Variants in C16orf46 observed in about 807,000 individuals in gnomAD.
C16orf46 encodes uncharacterized protein C16orf46.
In C16orf46, 7 loss-of-function variants were observed where a neutral mutation model predicts 5.5. That is an observed-to-expected ratio of 1.28 (90% CI 0.73 to 2.40). The LOEUF is 2.40. C16orf46 is among the 30% of genes most tolerant of loss of function. C16orf46 has a pLI of 0.00. For missense variants in C16orf46, 614 were observed against 476.0 expected (o/e 1.29, Z -2.70); for synonymous variants, 200 against 184.1 (o/e 1.09, Z -0.70).
At chr16:81,062,259 T>G in intron 3 of C16orf46, 121 bp from the exon 4 acceptor site, 1 of 802,482 alleles carries the variant, frequency 1.2e-6, no homozygotes, top group East Asian at 2.9e-5. Context: ...TTTTATTTAT[T>G]TTTTTACTAC....
intron 1 of C16orf46, 186 bp downstream of exon 1, chr16:81,076,950 A>C (rs1295777453): frequency 6.6e-6 from 1 of 151,028 alleles, no homozygotes; most frequent in Non-Finnish European, 1.5e-5. Flanking sequence ...TCCGCTCCCA[A>C]CGGATCCTCC....
intron 2 of C16orf46, among the ~76,000 whole-genome samples, chr16:81,065,191 G>A (rs765487539): frequency 6.6e-6 from 1 of 152,242 alleles, no homozygotes; most frequent in Admixed American, 6.5e-5. Flanking sequence ...GGGCTAAAGC[G>A]GCTGCATGCG....
intron 1 of C16orf46, among the ~76,000 whole-genome samples, chr16:81,075,952 T>C (rs1035895573): frequency 6.6e-6 from 1 of 152,212 alleles, no homozygotes; most frequent in Admixed American, 6.6e-5. Flanking sequence ...CAACTTCTCA[T>C]TGGCTCTCCA....
chr16:81,065,577 A>G (rs1225079458), intron 2 of C16orf46, among the ~76,000 whole-genome samples: 1 of 151,802 alleles, frequency 6.6e-6, no homozygotes, highest in East Asian at 1.9e-4. Context: ...ATACCTGAGC[A>G]GTGACCACCA....
At chr16:81,062,210 T>A in intron 3 of C16orf46, 72 bp from the exon 4 acceptor site, 2 of 1,380,550 alleles carry the variant, frequency 1.4e-6, no homozygotes, top group African/African-American at 1.4e-5. Flanking sequence ...TTTGGCCACA[T>A]TCCCATTTTG....
In C16orf46 at chr16:81,061,412, G is replaced by C. The variant is rs771196552; in HGVS notation, c.937C>G (p.Pro313Ala). ...AGGTAGCGAACGTTGCTGGGGTCTG[G>C]AGGGCACGCCAGGTTTTTCTCAGAC... ...LLSEKNLACP[P>A]DPSNVRYLAA... is the part of the protein sequence containing the mutation. The change falls in exon 4 of 4, where the codon CCA becomes GCA. Residue 313 changes from proline (P) to alanine (A), a missense_variant. Pro to Ala is a conservative substitution (Grantham distance 27). Transcript: ENST00000299578. 1.2e-6 allele frequency: 2 copies of C among 1,614,200 alleles called. No individual in the cohort carries two copies. The highest frequency in any genetic ancestry group is 2.2e-5 in the South Asian group (2 of 91,088).
intron 1 of C16orf46, among the ~76,000 whole-genome samples, chr16:81,072,626 C>T (rs1012912723): frequency 2.8e-4 from 42 of 152,090 alleles, no homozygotes; most frequent in African/African-American, 9.4e-4. Flanking sequence ...TCAGGTGATC[C>T]GCCAGTCTCA....
intron 1 of C16orf46, among the ~76,000 whole-genome samples, chr16:81,075,066 T>C (rs746247239): frequency 2.4e-4 from 36 of 152,172 alleles, no homozygotes; most frequent in Non-Finnish European, 3.4e-4. Context: ...GCCCTCTGGG[T>C]ATCCCTTTCA....
chr16:81,064,354 T>C (rs1950715871), intron 2 of C16orf46, among the ~76,000 whole-genome samples: 2 of 114,950 alleles, frequency 1.7e-5, no homozygotes, highest in South Asian at 3.4e-4. Flanking sequence ...GAGAGTGAGA[T>C]TACATCTCAA....
At position 81,063,755 on chromosome 16, in the gene C16orf46, C is replaced by A. The variant is rs767217167; in HGVS notation, c.201G>T (p.Trp67Cys). The A allele has an allele frequency of 6.2e-7, 1 of 1,612,288 alleles. No homozygotes were observed. The highest frequency in any genetic ancestry group is 1.1e-5 in the South Asian group (1 of 90,992). The change falls in exon 3 of 4, where the codon TGG (tryptophan) becomes TGT (cysteine). Residue 67 changes from tryptophan to cysteine, a missense_variant. Transcript: ENST00000299578. Reference protein sequence around the residue: ...KAKEFIIGTGWEEAVQGWGRT... With the variant: ...KAKEFIIGTGCEEAVQGWGRT... Reference sequence around the variant, plus strand: ...TCAGAAAGATACTCACTGCCTCTTCCCATCCAGTTCCAATAATAAACTCTT... The same window carrying A: ...TCAGAAAGATACTCACTGCCTCTTCACATCCAGTTCCAATAATAAACTCTT...
intron 2 of C16orf46, among the ~76,000 whole-genome samples, 172 bp downstream of exon 2, chr16:81,066,021 G>T (rs1457325364): frequency 6.6e-6 from 1 of 151,912 alleles, no homozygotes. Flanking sequence ...GAGTAGCTGG[G>T]ATTACGGGCG....
intron 2 of C16orf46, among the ~76,000 whole-genome samples, chr16:81,064,257 G>C (rs1971581149): frequency 6.6e-6 from 1 of 151,752 alleles, no homozygotes; most frequent in Non-Finnish European, 1.5e-5. Flanking sequence ...CCAGCTACTC[G>C]GGAGGCTGAG....
chr16:81,061,071 TG>T lies in C16orf46; in HGVS notation c.*89del. ...TGACGGGGAGGAGAGAAAGAGAGAG[TG>T]GGGGGTGGGTGGGAAATGAGAGAGA... On this transcript the variant is annotated 3_prime_UTR_variant, in exon 4 of 4. Coordinates refer to ENST00000299578, the MANE Select transcript of C16orf46 (RefSeq NM_152337.3). The T allele has an allele frequency of 9.3e-6, 9 of 966,270 alleles. No individual in the cohort carries two copies. The highest frequency in any genetic ancestry group is 1.9e-5 in the South Asian group (1 of 51,296). The allele number at this position is 966,270 out of a possible 1,614,324, so 59.9% of individuals were successfully genotyped here.
At chr16:81,075,396 G>A (rs1466206628) in intron 1 of C16orf46, among the ~76,000 whole-genome samples, 2 of 152,054 alleles carry the variant, frequency 1.3e-5, no homozygotes, top group African/African-American at 4.8e-5. Context: ...TCAAGACCAG[G>A]CTGGCCAATA....
chr16:81,061,942 G>T lies in C16orf46; in HGVS notation c.407C>A (p.Ala136Asp). ...DQSSPSQTQA[A>D]PQGPSTASRA... The stretch of plus-strand genomic sequence containing the variant: ...GGAAGCAGTGCTGGGGCCCTGGGGG[G>T]CTGCCTGAGTCTGGGAGGGGCTGCT... The change falls in exon 4 of 4, where the codon GCC becomes GAC. Residue 136 changes from alanine to aspartate, a missense_variant. Physicochemically the swap from Ala to Asp is moderately radical, Grantham distance 126. Coordinates refer to ENST00000299578, the MANE Select transcript of C16orf46 (RefSeq NM_152337.3). 1 of 1,614,182 alleles carries T rather than the reference G, an allele frequency of 6.2e-7. No homozygotes were observed. Among genetic ancestry groups the T allele is most frequent in the South Asian group, 1.1e-5 (1 of 91,088 alleles).
intron 1 of C16orf46, 33 bp from the exon 2 acceptor site, chr16:81,066,314 A>T (rs986690303): frequency 6.6e-6 from 1 of 152,044 alleles, no homozygotes; most frequent in African/African-American, 2.4e-5. Context: ...AGTGGATAGG[A>T]AAGTTGTATT....
At chr16:81,071,177 C>T (rs1424437438) in intron 1 of C16orf46, among the ~76,000 whole-genome samples, 1 of 152,156 alleles carries the variant, frequency 6.6e-6, no homozygotes, top group Non-Finnish European at 1.5e-5. Context: ...AAGAACATTC[C>T]TACCTGGTTC....
intron 3 of C16orf46, chr16:81,055,899 G>C (rs1971282523): frequency 6.6e-6 from 1 of 152,052 alleles, no homozygotes; most frequent in African/African-American, 2.4e-5. Context: ...TGTATTTTTA[G>C]TAGAGACGGG....
At position 81,063,986 on chromosome 16, in the gene C16orf46, T is replaced by A; in HGVS notation, c.-31A>T. The A allele has an allele frequency of 6.7e-7, 1 of 1,503,744 alleles. No homozygotes were observed. Among genetic ancestry groups the A allele is most frequent in the Non-Finnish European group, 9.1e-7 (1 of 1,099,252 alleles). 93.2% of individuals were successfully genotyped at this position (1,503,744 alleles called of 1,614,324 possible). ...TGATGCTTGCTTAAAGTTTTTAACA[T>A]CTTCTTGCTGTTTAAAAACATGAAT... On this transcript the variant is annotated 5_prime_UTR_variant, in exon 3 of 4. The change abolishes an upstream ATG in the 5' untranslated region. Transcript: ENST00000299578.
Sources: gnomAD v4.1 joint callset for allele counts (sites outside exome capture counted in the v4.1 genomes callset) on GRCh38, gnomAD v4.1.1 for gene constraint, MANE v1.5 for transcripts, NCBI Gene and HGNC (gene_info 2026-07-23, HGNC 2026-07-21) for gene names.